The following ME1 variants were observed in gnomAD, a reference collection of about 807,000 sequenced individuals.
The protein encoded by ME1 is NADP-dependent malic enzyme.
Under a neutral mutation model 66.4 loss-of-function variants are expected in ME1, and 74 were observed. The ratio of observed to expected loss-of-function variants is 1.11; its 90% CI spans 0.92 to 1.35. The LOEUF is 1.35. ME1 is among the 40% of genes most tolerant of loss of function. The pLI, the probability that ME1 is intolerant of heterozygous loss-of-function variation, is 0.00. For missense variants in ME1, 750 were observed against 694.1 expected (o/e 1.08, Z -0.90); for synonymous variants, 251 against 235.6 (o/e 1.07, Z -0.60).
chr6:83,418,411 T>A (rs1305852585), intron 1 of ME1, among the ~76,000 whole-genome samples: 1 of 152,090 alleles, frequency 6.6e-6, no homozygotes, highest in Non-Finnish European at 1.5e-5. Flanking sequence ...AAAAATTTGA[T>A]GTCCCAGCTT....
chr6:83,395,000 CTT>C (rs970465158), intron 3 of ME1, among the ~76,000 whole-genome samples: 157 of 152,038 alleles, frequency 1.0e-3, no homozygotes, highest in African/African-American at 3.5e-3. Context: ...AATTTGGAAT[CTT>C]TGTTTTAACT....
intron 6 of ME1, among the ~76,000 whole-genome samples, chr6:83,269,424 A>G (rs902081800): frequency 6.6e-6 from 1 of 152,180 alleles, no homozygotes; most frequent in Non-Finnish European, 1.5e-5. Context: ...TTTGGATTTC[A>G]TAATACACAA....
chr6:83,235,470 A>ATTTTT (rs10691116), intron 9 of ME1, among the ~76,000 whole-genome samples: 51 of 128,238 alleles, frequency 4.0e-4, no homozygotes, highest in Non-Finnish European at 6.4e-4. Context: ...AGCAATAGCT[A>ATTTTT]TTTTTTTTTT....
chr6:83,305,427 G>C lies in ME1; in HGVS notation c.704+9883C>G, dbSNP rs561530898. 8.5e-5 allele frequency among the ~76,000 whole-genome samples: 13 copies of C among 152,236 alleles called. No individual in the cohort carries two copies. The South Asian group carries it at 2.7e-3, about 32-fold the overall frequency. ...ATGGGACAGGTTTCAGTATTACATA[G>C]GGTAGTCAGGGTAAACCTCAAAAGA... On this transcript the variant is annotated intron_variant, in intron 6 of 13. Coordinates refer to ENST00000369705, the MANE Select transcript of ME1 (RefSeq NM_002395.6).
chr6:83,323,404 G>A (rs565949652), intron 5 of ME1, among the ~76,000 whole-genome samples: 133 of 152,018 alleles, frequency 8.7e-4, no homozygotes, highest in African/African-American at 3.1e-3. Flanking sequence ...GTATTCAGGA[G>A]ACTTATCTCA....
chr6:83,265,347 A>G (rs1232434178), intron 6 of ME1, among the ~76,000 whole-genome samples: 1 of 152,042 alleles, frequency 6.6e-6, no homozygotes, highest in African/African-American at 2.4e-5. Flanking sequence ...TCCAGACTGG[A>G]GTGCAGTGGC....
chr6:83,373,300 ATC>A (rs1472739605), intron 3 of ME1, among the ~76,000 whole-genome samples: 2 of 151,848 alleles, frequency 1.3e-5, no homozygotes, highest in East Asian at 3.9e-4. Flanking sequence ...CAGTGGTGCG[ATC>A]TCAGCTCACT....
intron 3 of ME1, among the ~76,000 whole-genome samples, chr6:83,376,945 G>A (rs1216588193): frequency 6.6e-6 from 1 of 152,040 alleles, no homozygotes; most frequent in Non-Finnish European, 1.5e-5. Flanking sequence ...GAGGTTACAT[G>A]GCAAGTATTT....
intron 2 of ME1, among the ~76,000 whole-genome samples, chr6:83,406,091 T>C (rs1199122518): frequency 1.3e-5 from 2 of 152,162 alleles, no homozygotes; most frequent in African/African-American, 4.8e-5. Context: ...AATAATCATG[T>C]GAGTTTTGTC....
intron 7 of ME1, among the ~76,000 whole-genome samples, chr6:83,252,690 C>A (rs987684698): frequency 2.0e-5 from 3 of 152,008 alleles, no homozygotes; most frequent in Non-Finnish European, 4.4e-5. Flanking sequence ...TGAGTATATA[C>A]CTAAGAACAT....
chr6:83,239,424 TAC>T, intron 8 of ME1, 113 bp downstream of exon 8: 1 of 638,252 alleles, frequency 1.6e-6, no homozygotes, highest in Non-Finnish European at 2.7e-6. Flanking sequence ...CCATAAAGCC[TAC>T]AGTCATAATA....
chr6:83,341,620 G>T (rs1271570561), intron 5 of ME1, among the ~76,000 whole-genome samples: 1 of 152,108 alleles, frequency 6.6e-6, no homozygotes, highest in East Asian at 1.9e-4. Flanking sequence ...CCCAAAATAT[G>T]ATTTATTTAA....
chr6:83,296,394 C>T (rs1177584600), intron 6 of ME1, among the ~76,000 whole-genome samples: 1 of 152,174 alleles, frequency 6.6e-6, no homozygotes, highest in Non-Finnish European at 1.5e-5. Flanking sequence ...TGATTCATCA[C>T]ATAAACAGAA....
chr6:83,262,803 C>T (rs1324099329), intron 6 of ME1, among the ~76,000 whole-genome samples: 1 of 152,170 alleles, frequency 6.6e-6, no homozygotes, highest in Non-Finnish European at 1.5e-5. Flanking sequence ...CCAATAGCCA[C>T]GTACGGTAGA....
intron 3 of ME1, among the ~76,000 whole-genome samples, chr6:83,375,598 C>T (rs1361824336): frequency 6.6e-6 from 1 of 152,088 alleles, no homozygotes; most frequent in Non-Finnish European, 1.5e-5. Context: ...TTTCTCTTTC[C>T]TGATTGCCCT....
In ME1 at chr6:83,223,905, G is replaced by A. The variant is rs746447673; in HGVS notation, c.1304C>T (p.Pro435Leu). ...KGRAIFASGSPFDPVTLPNGQ... is the reference protein window; with the variant it reads ...KGRAIFASGSLFDPVTLPNGQ... ...ATTTGGAAGAGTGACTGGATCAAAAGGACTGCCACTGGCAAAAATTGCACG... is the reference window on the plus strand; with the variant it reads ...ATTTGGAAGAGTGACTGGATCAAAAAGACTGCCACTGGCAAAAATTGCACG... Residue 435 changes from proline (P) to leucine (L), a missense_variant, in exon 12 of 14, where the codon CCT (proline) becomes CTT (leucine). Pro to Leu is a moderately conservative substitution (Grantham distance 98). Transcript: ENST00000369705. The A allele has an allele frequency of 3.7e-6, 6 of 1,613,758 alleles. No individual in the cohort carries two copies. Among genetic ancestry groups the A allele is most frequent in the Admixed American group, 1.7e-5 (1 of 59,964 alleles).
At chr6:83,266,234 T>C (rs1330810026) in intron 6 of ME1, among the ~76,000 whole-genome samples, 1 of 152,216 alleles carries the variant, frequency 6.6e-6, no homozygotes, top group Non-Finnish European at 1.5e-5. Flanking sequence ...GGACTTTGCA[T>C]GTATAACTGC....
intron 7 of ME1, among the ~76,000 whole-genome samples, chr6:83,253,249 A>C (rs1042092806): frequency 1.3e-5 from 2 of 152,176 alleles, no homozygotes; most frequent in Non-Finnish European, 2.9e-5. Context: ...ATACTACATA[A>C]AGGCAGCTCC....
intron 6 of ME1, among the ~76,000 whole-genome samples, chr6:83,281,854 A>AG (rs1767300241): frequency 8.5e-6 from 1 of 117,974 alleles, no homozygotes; most frequent in Non-Finnish European, 1.7e-5. Context: ...AACAAAAAAG[A>AG]GAAAAAAAAA....
Sources: gnomAD v4.1 joint callset for allele counts (sites outside exome capture counted in the v4.1 genomes callset) on GRCh38, gnomAD v4.1.1 for gene constraint, MANE v1.5 for transcripts, NCBI Gene and HGNC (gene_info 2026-07-23, HGNC 2026-07-21) for gene names.